The following LIPA variants were observed in gnomAD, a reference collection of about 807,000 sequenced individuals.
LIPA encodes lysosomal acid lipase/cholesteryl ester hydrolase.
Under a neutral mutation model 40.6 loss-of-function variants are expected in LIPA, and 26 were observed. That is an observed-to-expected ratio of 0.64 (90% CI 0.47 to 0.89). The LOEUF is 0.89. LIPA is among the 40% of genes least tolerant of loss of function. The pLI is 0.00. For missense variants in LIPA, 455 were observed against 479.6 expected (o/e 0.95, Z 0.48); for synonymous variants, 188 against 168.4 (o/e 1.12, Z -0.90).
At chr10:89,225,815 C>A (rs892210098) in intron 5 of LIPA, among the ~76,000 whole-genome samples, 5 of 152,122 alleles carry the variant, frequency 3.3e-5, no homozygotes, top group African/African-American at 1.2e-4. Flanking sequence ...CGGTTCCCCC[C>A]ATACTGTTCT....
chr10:89,216,917 C>T (rs1230972504), intron 8 of LIPA, among the ~76,000 whole-genome samples: 4 of 152,174 alleles, frequency 2.6e-5, no homozygotes, highest in Non-Finnish European at 5.9e-5. Context: ...CCAAGTAGTA[C>T]TGCATGCCAG....
At chr10:89,358,485 T>A (rs1844001481) in intron 2 of LIPA, among the ~76,000 whole-genome samples, 1 of 152,200 alleles carries the variant, frequency 6.6e-6, no homozygotes, top group African/African-American at 2.4e-5. Flanking sequence ...CTCATGTTCA[T>A]TGGAGCACCA....
intron 2 of LIPA, among the ~76,000 whole-genome samples, chr10:89,399,866 T>A (rs913670430): frequency 6.6e-6 from 1 of 151,418 alleles, no homozygotes; most frequent in African/African-American, 2.4e-5. Flanking sequence ...CAAAGCTCAC[T>A]CTCTCTCTCT....
intron 1 of LIPA, among the ~76,000 whole-genome samples, chr10:89,311,483 C>G (rs1014814990): frequency 6.1e-5 from 9 of 147,346 alleles, no homozygotes; most frequent in African/African-American, 2.0e-4. Flanking sequence ...TGAGATGGTA[C>G]CACTGCACTC....
chr10:89,392,868 T>C, intron 2 of LIPA: 2 of 794,234 alleles, frequency 2.5e-6, no homozygotes, highest in East Asian at 2.6e-5. Context: ...TGTGCATGCA[T>C]GTGTGTGCAC....
intron 2 of LIPA, chr10:89,393,315 C>T (rs1348770517): frequency 1.5e-5 from 19 of 1,286,286 alleles, no homozygotes; most frequent in Non-Finnish European, 1.8e-5. Flanking sequence ...AACAGATTGC[C>T]TCCTCCCTGG....
intron 6 of LIPA, among the ~76,000 whole-genome samples, chr10:89,224,270 C>A (rs1416568187): frequency 6.6e-6 from 1 of 152,168 alleles, no homozygotes; most frequent in East Asian, 1.9e-4. Flanking sequence ...CAAATCCAGC[C>A]CATCGCTTGC....
intron 1 of LIPA, among the ~76,000 whole-genome samples, chr10:89,290,000 G>T (rs1013309197): frequency 1.0e-4 from 15 of 145,590 alleles, no homozygotes; most frequent in East Asian, 1.0e-3. Flanking sequence ...AAAAAAAAGG[G>T]TGGGGGGGAC....
At chr10:89,245,554 C>T (rs1180392295) in intron 3 of LIPA, 122 bp downstream of exon 3, 2 of 746,612 alleles carry the variant, frequency 2.7e-6, no homozygotes, top group African/African-American at 1.7e-5. Context: ...CAAACCTCAA[C>T]ACAGTTAGTG....
chr10:89,409,243 GTTCTATAA>G (rs1372644944), intron 2 of LIPA, among the ~76,000 whole-genome samples: 3 of 152,174 alleles, frequency 2.0e-5, no homozygotes, highest in Non-Finnish European at 4.4e-5. Flanking sequence ...CAACCTCGGT[GTTCTATAA>G]TAGGGACCAA....
At chr10:89,261,201 G>C (rs139360730) in intron 1 of LIPA, among the ~76,000 whole-genome samples, 1 of 152,200 alleles carries the variant, frequency 6.6e-6, no homozygotes, top group Non-Finnish European at 1.5e-5. Context: ...AGAAGTCATA[G>C]CCAGAGGCCC....
chr10:89,239,492 C>T (rs1842941672), intron 3 of LIPA, among the ~76,000 whole-genome samples: 1 of 152,228 alleles, frequency 6.6e-6, no homozygotes. Flanking sequence ...AGTCATGTGG[C>T]CTTTGCCACT....
chr10:89,413,780 AAACC>A (rs1841499955), intron 1 of LIPA, among the ~76,000 whole-genome samples: 1 of 148,692 alleles, frequency 6.7e-6, no homozygotes, highest in Admixed American at 6.7e-5. Flanking sequence ...AAAAAAAAAA[AAACC>A]AAAATCAATG....
intron 2 of LIPA, among the ~76,000 whole-genome samples, chr10:89,410,249 G>C (rs1411705833): frequency 6.6e-6 from 1 of 152,190 alleles, no homozygotes; most frequent in Admixed American, 6.5e-5. Flanking sequence ...AGGTGCCAAA[G>C]GAAGTTTATG....
intron 2 of LIPA, among the ~76,000 whole-genome samples, chr10:89,372,307 C>T (rs917578381): frequency 6.6e-6 from 1 of 152,200 alleles, no homozygotes; most frequent in African/African-American, 2.4e-5. Context: ...TGGGGTCAGA[C>T]CTGCTCACAG....
intron 1 of LIPA, among the ~76,000 whole-genome samples, chr10:89,266,989 G>T (rs537901305): frequency 1.3e-5 from 2 of 152,298 alleles, no homozygotes; most frequent in Admixed American, 6.5e-5. Flanking sequence ...ATAAGGACTG[G>T]GGAATAAGGT....
chr10:89,358,922 T>C (rs1160058295), intron 2 of LIPA, among the ~76,000 whole-genome samples: 2 of 152,190 alleles, frequency 1.3e-5, no homozygotes, highest in Non-Finnish European at 2.9e-5. Flanking sequence ...ATTGGAATGC[T>C]CTCAACACAA....
intron 2 of LIPA, among the ~76,000 whole-genome samples, chr10:89,380,112 C>A (rs1231795850): frequency 6.6e-6 from 1 of 152,028 alleles, no homozygotes; most frequent in Non-Finnish European, 1.5e-5. Context: ...TCATTCCCTG[C>A]TGCCTTGGTA....
chr10:89,405,771 C>T (rs1342247177), intron 2 of LIPA: 1 of 152,226 alleles, frequency 6.6e-6, no homozygotes, highest in Non-Finnish European at 1.5e-5. Context: ...CCAGGTCCAC[C>T]TGCATAATCC....
Sources: gnomAD v4.1 joint callset for allele counts (sites outside exome capture counted in the v4.1 genomes callset) on GRCh38, gnomAD v4.1.1 for gene constraint, MANE v1.5 for transcripts, NCBI Gene and HGNC (gene_info 2026-07-23, HGNC 2026-07-21) for gene names.